The following ITGAE variants were observed in gnomAD, a reference collection of about 807,000 sequenced individuals.
The protein encoded by ITGAE is integrin alpha-E.
Under a neutral mutation model 136.5 loss-of-function variants are expected in ITGAE, and 99 were observed. The ratio of observed to expected loss-of-function variants is 0.73; its 90% CI spans 0.62 to 0.86. ITGAE has a LOEUF of 0.86. Ranked by LOEUF, ITGAE falls within the 40% of genes least tolerant of loss-of-function variation. The pLI, the probability that ITGAE is intolerant of heterozygous loss-of-function variation, is 0.00. For missense variants in ITGAE, 1,447 were observed against 1,515.3 expected (o/e 0.95, Z 0.75); for synonymous variants, 613 against 591.8 (o/e 1.04, Z -0.52).
intron 11 of ITGAE, 114 bp from the exon 12 acceptor site, chr17:3,755,375 C>A: frequency 1.6e-6 from 2 of 1,271,332 alleles, no homozygotes; most frequent in South Asian, 1.6e-5. Flanking sequence ...GGGGGGCGTT[C>A]GGTGGTCTAG....
intron 2 of ITGAE, 51 bp downstream of exon 2, chr17:3,777,489 T>C: frequency 1.3e-6 from 2 of 1,553,218 alleles, no homozygotes; most frequent in Non-Finnish European, 1.7e-6. Flanking sequence ...CATCTCAGAT[T>C]GCCTGGAAGC....
intron 1 of ITGAE, among the ~76,000 whole-genome samples, chr17:3,797,322 T>C (rs74976223): frequency 0.021 from 3,198 of 150,672 alleles, 48 homozygotes; most frequent in South Asian, 0.052. Context: ...CCCGCCACCA[T>C]GCCCAGCTAA....
In ITGAE at chr17:3,763,928, G is replaced by A. The variant is rs2143140367; in HGVS notation, c.188C>T (p.Thr63Ile). 6.2e-7 allele frequency: 1 copy of A among 1,613,708 alleles called. No homozygotes were observed. The highest frequency in any genetic ancestry group is 8.5e-7 in the Non-Finnish European group (1 of 1,179,818). ...GGAACATCGATGGAGGGGCCCTGGTGTCCTCTTGGTTCTGGGGCTGGTGAC... is the reference window on the plus strand; with the variant it reads ...GGAACATCGATGGAGGGGCCCTGGTATCCTCTTGGTTCTGGGGCTGGTGAC... ...LLVTSPRTKR[T>I]PGPLHRCSLV... Residue 63 changes from threonine (T) to isoleucine (I), a missense_variant, in exon 3 of 31, where the codon ACA becomes ATA. Coordinates refer to ENST00000263087, the MANE Select transcript of ITGAE (RefSeq NM_002208.5).
intron 1 of ITGAE, among the ~76,000 whole-genome samples, chr17:3,791,311 C>T (rs943130813): frequency 2.0e-5 from 3 of 151,850 alleles, no homozygotes; most frequent in Admixed American, 1.3e-4. Flanking sequence ...GAGACTGAGT[C>T]GTACTCTGTT....
chr17:3,787,038 A>C (rs2052815907), intron 1 of ITGAE, among the ~76,000 whole-genome samples: 1 of 152,180 alleles, frequency 6.6e-6, no homozygotes, highest in Non-Finnish European at 1.5e-5. Flanking sequence ...ATAGATGCAG[A>C]AAATGGCATC....
intron 19 of ITGAE, among the ~76,000 whole-genome samples, chr17:3,741,984 G>A (rs2051599390): frequency 6.6e-6 from 1 of 152,202 alleles, no homozygotes; most frequent in Non-Finnish European, 1.5e-5. Flanking sequence ...GGCTGAGGCA[G>A]GAGAATTGCT....
In ITGAE at chr17:3,728,035, TAAAATC is replaced by T. The variant is rs755279075; in HGVS notation, c.2977-15_2977-10del. The T allele has an allele frequency of 6.2e-7, 1 of 1,611,798 alleles. No individual in the cohort carries two copies. The highest frequency in any genetic ancestry group is 2.2e-5 in the East Asian group (1 of 44,872). On this transcript the variant is annotated splice_polypyrimidine_tract_variant and intron_variant, in intron 25 of 30. Transcript: ENST00000263087. ...AGGTTCTCCCCATGTACCTGCAAATTAAAATCAGAGTAGGAAATCAAAGCTGGTATT... is the reference window on the plus strand; with the variant it reads ...AGGTTCTCCCCATGTACCTGCAAATTAGAGTAGGAAATCAAAGCTGGTATT...
intron 16 of ITGAE, among the ~76,000 whole-genome samples, chr17:3,749,842 C>G (rs1303945549): frequency 6.6e-6 from 1 of 151,852 alleles, no homozygotes; most frequent in Non-Finnish European, 1.5e-5. Context: ...ATGGTGAAAC[C>G]CTGTCTCTAC....
At chr17:3,726,174 T>C in intron 26 of ITGAE, 1 of 1,614,180 alleles carries the variant, frequency 6.2e-7, no homozygotes, top group Non-Finnish European at 8.5e-7. Context: ...CTGGTTACAT[T>C]ACCTGACAGA....
At chr17:3,734,759 G>A in intron 21 of ITGAE, 58 bp downstream of exon 21, 3 of 1,604,364 alleles carry the variant, frequency 1.9e-6, no homozygotes, top group Non-Finnish European at 2.6e-6. Flanking sequence ...CAGAAAAGCA[G>A]GCATGCAGCG....
intron 9 of ITGAE, 111 bp from the exon 10 acceptor site, chr17:3,757,245 T>C: frequency 3.1e-6 from 4 of 1,295,254 alleles, no homozygotes; most frequent in Non-Finnish European, 4.3e-6. Flanking sequence ...CCTGTCTCCT[T>C]CCTTCCTTTC....
intron 29 of ITGAE, chr17:3,718,399 G>A (rs1477876806): frequency 6.6e-6 from 1 of 152,232 alleles, no homozygotes; most frequent in Non-Finnish European, 1.5e-5. Context: ...ACTTTGTGCT[G>A]GCCATGAAGG....
rs759183137 is a variant in ITGAE, at chr17:3,734,856, C to G, written c.2616G>C (p.Leu872Phe). 2 of 1,614,084 alleles carry G rather than the reference C, an allele frequency of 1.2e-6. No individual in the cohort carries two copies. The highest frequency in any genetic ancestry group is 1.7e-6 in the Non-Finnish European group (2 of 1,180,042). ...TCAACTGCAGGTTTCTGGGGTAATTCAAGGCCATGCTTGTCATGTAGGAAT... is the reference window on the plus strand; with the variant it reads ...TCAACTGCAGGTTTCTGGGGTAATTGAAGGCCATGCTTGTCATGTAGGAAT... Reference protein sequence around the residue: ...GEDSYMTSMALNYPRNLQLKR... With the variant: ...GEDSYMTSMAFNYPRNLQLKR... Residue 872 changes from leucine to phenylalanine, a missense_variant, in exon 21 of 31, where the codon TTG (leucine) becomes TTC (phenylalanine). By Grantham distance (22) the Leu-to-Phe change is conservative. Around this residue, in one of 3 missense-constraint regions of ITGAE, gnomAD observed 1,031 missense variants for 1,011.4 expected, o/e 1.02. Transcript: ENST00000263087.
chr17:3,759,613 T>A (rs746377614), intron 7 of ITGAE, 60 bp from the exon 8 acceptor site: 44 of 1,572,108 alleles, frequency 2.8e-5, no homozygotes, highest in South Asian at 1.0e-4. Context: ...GCCCCTGAAA[T>A]GTCTCCCGCT....
chr17:3,730,335 T>A (rs1294185858), intron 23 of ITGAE: 1 of 152,062 alleles, frequency 6.6e-6, no homozygotes, highest in Non-Finnish European at 1.5e-5. Context: ...GCGCCTGTAA[T>A]CCCAGCTACT....
chr17:3,780,372 C>A (rs542143835), intron 1 of ITGAE, among the ~76,000 whole-genome samples: 135 of 152,236 alleles, frequency 8.9e-4, no homozygotes, highest in African/African-American at 3.1e-3. Context: ...CCGTGTTAAG[C>A]CAGGTTGGTC....
intron 16 of ITGAE, among the ~76,000 whole-genome samples, chr17:3,748,292 T>C (rs986242223): frequency 2.0e-5 from 3 of 151,840 alleles, no homozygotes; most frequent in Admixed American, 2.0e-4. Flanking sequence ...ATGAGAAAAA[T>C]TAAAATACTG....
Position 3,714,931 on chromosome 17 carries a change from A to T in ITGAE, c.3456T>A (p.Phe1152Leu), listed in dbSNP as rs555241773. The change falls in exon 31 of 31, where the codon TTT becomes TTA. Residue 1152 changes from phenylalanine (F) to leucine (L), a missense_variant. This residue lies in a region of ITGAE where 1,031 missense variants were observed against 1,011.4 expected (regional missense o/e 1.02). Coordinates refer to ENST00000263087, the MANE Select transcript of ITGAE (RefSeq NM_002208.5). ...AGTTCAGTTGTTGATATTTTCTTTT[A>T]AAAAAGCCACACTGAAACAAAGGAA... ...ILVILFKCGF[F>L]KRKYQQLNLE... 8.1e-6 allele frequency: 13 copies of T among 1,600,586 alleles called. No individual in the cohort carries two copies. The Admixed American group carries it at 2.2e-4, about 27-fold the overall frequency.
chr17:3,762,996 G>A (rs1006974526), intron 3 of ITGAE, among the ~76,000 whole-genome samples: 1 of 151,814 alleles, frequency 6.6e-6, no homozygotes, highest in African/African-American at 2.4e-5. Flanking sequence ...GGGTTCAAGC[G>A]ATTCTTCTGC....
Sources: gnomAD v4.1 joint callset for allele counts (sites outside exome capture counted in the v4.1 genomes callset) on GRCh38, gnomAD v4.1.1 for gene constraint, gnomAD v4.1.1 regional missense constraint, MANE v1.5 for transcripts, NCBI Gene and HGNC (gene_info 2026-07-23, HGNC 2026-07-21) for gene names.